The following SCAPER variants were observed in gnomAD, a reference collection of about 807,000 sequenced individuals.
SCAPER encodes the protein S-phase cyclin A associated protein in the ER, also known as S phase cyclin A-associated protein in the endoplasmic reticulum.
In SCAPER, 98 loss-of-function variants were observed where a neutral mutation model predicts 182.2. The observed-to-expected ratio is 0.54, with a 90% CI of 0.46 to 0.64. SCAPER has a LOEUF of 0.64. Ranked by LOEUF, SCAPER falls within the 30% of genes least tolerant of loss-of-function variation. The probability of loss-of-function intolerance (pLI) is 0.00; values close to 1 mark genes in which losing one functional copy is unlikely to be tolerated. For missense variants in SCAPER, 1,432 were observed against 1,690.0 expected, an observed-to-expected ratio of 0.85 and a Z score of 2.68; for synonymous variants, 605 against 564.6, an observed-to-expected ratio of 1.07 and a Z score of -1.01.
At chr15:76,502,764 T>A (rs1410030470) in intron 24 of SCAPER, among the ~76,000 whole-genome samples, 1 of 152,112 alleles carries the variant, frequency 6.6e-6, no homozygotes. Context: ...TAAAGTGAGA[T>A]GAAGGAACAA....
chr15:76,521,117 G>C (rs2042800972), intron 23 of SCAPER, among the ~76,000 whole-genome samples: 4 of 152,048 alleles, frequency 2.6e-5, no homozygotes, highest in Admixed American at 2.6e-4. Context: ...CAGAATTCAG[G>C]AATTTTAGAT....
intron 21 of SCAPER, among the ~76,000 whole-genome samples, chr15:76,633,164 T>A (rs902263950): frequency 2.0e-5 from 3 of 152,158 alleles, no homozygotes; most frequent in Non-Finnish European, 2.9e-5. Flanking sequence ...CTTTTCACAG[T>A]CAGGTCCCTC....
At chr15:76,688,907 G>A (rs2058191586) in intron 20 of SCAPER, among the ~76,000 whole-genome samples, 2 of 134,436 alleles carry the variant, frequency 1.5e-5, no homozygotes, top group Admixed American at 9.1e-5. Context: ...GGAGTGCCCT[G>A]GCACGATCTC....
intron 25 of SCAPER, among the ~76,000 whole-genome samples, chr15:76,440,022 G>C (rs959594209): frequency 3.3e-5 from 5 of 152,088 alleles, no homozygotes; most frequent in African/African-American, 1.2e-4. Flanking sequence ...TAATCTTATT[G>C]TAAAATTTCC....
chr15:76,420,994 C>A (rs1454736987), intron 26 of SCAPER, among the ~76,000 whole-genome samples: 1 of 152,184 alleles, frequency 6.6e-6, no homozygotes, highest in Non-Finnish European at 1.5e-5. Context: ...TGTATATGTG[C>A]CACATTTTCT....
intron 11 of SCAPER, 54 bp downstream of exon 11, chr15:76,766,864 T>C: frequency 6.8e-7 from 1 of 1,465,004 alleles, no homozygotes; most frequent in Non-Finnish European, 9.2e-7. Context: ...CCCAGATAAT[T>C]TTGTTTCTAA....
chr15:76,685,715 G>C (rs2058001126), intron 20 of SCAPER, among the ~76,000 whole-genome samples: 1 of 152,014 alleles, frequency 6.6e-6, no homozygotes, highest in African/African-American at 2.4e-5. Context: ...AAATGTATAA[G>C]GATGAGTAAA....
At chr15:76,760,270 A>AC (rs2062699039) in intron 14 of SCAPER, among the ~76,000 whole-genome samples, 1 of 152,196 alleles carries the variant, frequency 6.6e-6, no homozygotes, top group South Asian at 2.1e-4. Context: ...TGGGGTTCTC[A>AC]CAACTGTCTC....
At chr15:76,533,411 A>C (rs982997822) in intron 23 of SCAPER, among the ~76,000 whole-genome samples, 1 of 152,172 alleles carries the variant, frequency 6.6e-6, no homozygotes, top group Non-Finnish European at 1.5e-5. Context: ...ATTGTGTTAC[A>C]AATGCCTGTA....
chr15:76,859,140 T>C (rs1435709772), intron 3 of SCAPER, among the ~76,000 whole-genome samples: 1 of 152,230 alleles, frequency 6.6e-6, no homozygotes, highest in Admixed American at 6.5e-5. Context: ...CATTTCAAAA[T>C]AGGAATAAAA....
At chr15:76,452,137 G>C (rs1412200487) in intron 25 of SCAPER, among the ~76,000 whole-genome samples, 1 of 152,010 alleles carries the variant, frequency 6.6e-6, no homozygotes, top group Non-Finnish European at 1.5e-5. Flanking sequence ...CATGTGTATT[G>C]TATGAATCTT....
intron 11 of SCAPER, among the ~76,000 whole-genome samples, chr15:76,765,937 T>C (rs777400865): frequency 1.3e-5 from 2 of 152,114 alleles, no homozygotes; most frequent in Non-Finnish European, 2.9e-5. Context: ...AAAGCAAATA[T>C]TGAAGAATTG....
Position 76,477,936 on chromosome 15 carries a change from A to AT in SCAPER, c.2955-6602dup, listed in dbSNP as rs978122569. 8.6e-3 allele frequency among the ~76,000 whole-genome samples: 1,248 copies of AT among 145,670 alleles called. 10 individuals are homozygous for AT. The highest frequency in any genetic ancestry group is 0.029 in the African/African-American group (1,171 of 39,864). ...ACTTTTCCAGTTTATTGCTATCTTA[A>AT]TTTTTTTTTTTAGTTTTTTTTGGTC... is the stretch of plus-strand genomic sequence containing the variant. On this transcript the variant is annotated intron_variant, in intron 24 of 31. Coordinates refer to ENST00000563290, the MANE Select transcript of SCAPER (RefSeq NM_020843.4).
intron 23 of SCAPER, among the ~76,000 whole-genome samples, chr15:76,553,460 C>T (rs1404104594): frequency 6.6e-6 from 1 of 152,228 alleles, no homozygotes. Context: ...CCACAGGTGT[C>T]CCCTACAGCT....
At chr15:76,829,395 A>G (rs975650775) in intron 5 of SCAPER, among the ~76,000 whole-genome samples, 1 of 152,200 alleles carries the variant, frequency 6.6e-6, no homozygotes, top group South Asian at 2.1e-4. Flanking sequence ...GAGAATCTAA[A>G]TATTAATTTC....
rs1315486311 is a variant in SCAPER at position 76,771,752 on chromosome 15, T to C, written c.1238A>G (p.Asp413Gly). 2 of 1,612,572 alleles carry C rather than the reference T, an allele frequency of 1.2e-6. No homozygotes were observed. Among genetic ancestry groups the C allele is most frequent in the African/African-American group, 1.3e-5 (1 of 75,026 alleles). ...ARIENEMDPS[D>G]ISNSMAEVLA... ...GTTAGCAGCACTCACATTTGAAATA[T>C]CTGAAGGGTCCATTTCATTTTCTAT... is the stretch of plus-strand genomic sequence containing the variant. Residue 413 changes from aspartate (D) to glycine (G), a missense_variant, in exon 10 of 32, where the codon GAT becomes GGT. Physicochemically the swap from Asp to Gly is moderately conservative, Grantham distance 94. Transcript: ENST00000563290.
rs913598638 is a variant in SCAPER, at chr15:76,419,400, C to T, written c.3311+14678G>A. 2.0e-5 allele frequency among the ~76,000 whole-genome samples: 3 copies of T among 151,430 alleles called. 1 individual carries two copies. The highest frequency in any genetic ancestry group is 2.0e-4 in the Admixed American group (3 of 15,208). Reference sequence around the variant, plus strand: ...TTGAAGTTATCACTGCTGAATTCTCCTAAATATTTAAAGAACTAAAGAACT... The same window carrying T: ...TTGAAGTTATCACTGCTGAATTCTCTTAAATATTTAAAGAACTAAAGAACT... On this transcript the variant is annotated intron_variant, in intron 26 of 31. Transcript: ENST00000563290.
At chr15:76,618,312 T>C (rs558602270) in intron 22 of SCAPER, among the ~76,000 whole-genome samples, 1 of 152,320 alleles carries the variant, frequency 6.6e-6, no homozygotes, top group East Asian at 1.9e-4. Context: ...TGTATTTTTA[T>C]TCATGTGTGA....
chr15:76,366,322 T>G (rs2041817217), intron 29 of SCAPER, among the ~76,000 whole-genome samples: 1 of 152,202 alleles, frequency 6.6e-6, no homozygotes, highest in Admixed American at 6.5e-5. Context: ...GGAGGGTTAA[T>G]AAATGCAGTG....
Sources: gnomAD v4.1 joint callset for allele counts (sites outside exome capture counted in the v4.1 genomes callset) on GRCh38, gnomAD v4.1.1 for gene constraint, MANE v1.5 for transcripts, NCBI Gene and HGNC (gene_info 2026-07-23, HGNC 2026-07-21) for gene names.